The following RAD51B variants were observed in gnomAD, a reference collection of about 807,000 sequenced individuals.
RAD51B encodes DNA repair protein RAD51 homolog 2.
Under a neutral mutation model 42.2 loss-of-function variants are expected in RAD51B, and 38 were observed. That is an observed-to-expected ratio of 0.90 (90% CI 0.70 to 1.18). The LOEUF (loss-of-function observed/expected upper bound fraction) is 1.18. RAD51B is among the 50% of genes most tolerant of loss of function. The probability of loss-of-function intolerance (pLI) is 0.00; values close to 1 mark genes in which losing one functional copy is unlikely to be tolerated. For synonymous variants in RAD51B, 154 were observed against 145.2 expected, an observed-to-expected ratio of 1.06 and a Z score of -0.43; for missense variants, 373 against 400.7, an observed-to-expected ratio of 0.93 and a Z score of 0.59.
At chr14:68,459,667 G>T (rs956699365) in intron 9 of RAD51B, among the ~76,000 whole-genome samples, 8 of 152,350 alleles carry the variant, frequency 5.3e-5, no homozygotes, top group South Asian at 2.1e-4. Flanking sequence ...AAACTAGCAG[G>T]ACAGGAAATT....
intron 3 of RAD51B, among the ~76,000 whole-genome samples, chr14:67,831,352 A>T (rs189124452): frequency 9.9e-5 from 15 of 152,264 alleles, no homozygotes; most frequent in Admixed American, 8.5e-4. Context: ...ATACAGTAAG[A>T]CGATAAGTGT....
chr14:68,122,868 C>T (rs2077677738), intron 7 of RAD51B, among the ~76,000 whole-genome samples: 1 of 152,122 alleles, frequency 6.6e-6, no homozygotes. Flanking sequence ...TGAAGAAGTT[C>T]TGCAGTGGTA....
At chr14:68,405,395 G>A (rs2084240817) in intron 8 of RAD51B, among the ~76,000 whole-genome samples, 1 of 152,142 alleles carries the variant, frequency 6.6e-6, no homozygotes, top group East Asian at 1.9e-4. Context: ...AGTGGGCTAT[G>A]ATCATACTAC....
intron 11 of RAD51B, among the ~76,000 whole-genome samples, chr14:68,668,257 G>A (rs1411827987): frequency 1.3e-5 from 2 of 152,182 alleles, no homozygotes; most frequent in Non-Finnish European, 2.9e-5. Context: ...ATGGTGGGAT[G>A]GCAAATCAGC....
At chr14:68,119,522 T>C (rs1278916068) in intron 7 of RAD51B, among the ~76,000 whole-genome samples, 3 of 131,046 alleles carry the variant, frequency 2.3e-5, no homozygotes, top group South Asian at 4.9e-4. Flanking sequence ...CATGTGTCCA[T>C]GTGGTCTCAT....
At chr14:68,070,544 C>T (rs1367890800) in intron 7 of RAD51B, among the ~76,000 whole-genome samples, 1 of 152,122 alleles carries the variant, frequency 6.6e-6, no homozygotes, top group Non-Finnish European at 1.5e-5. Context: ...AGTCCTTTCC[C>T]CATTGCTTGT....
intron 11 of RAD51B, chr14:68,650,984 G>T: frequency 1.7e-6 from 1 of 581,772 alleles, no homozygotes; most frequent in Non-Finnish European, 3.1e-6. Flanking sequence ...GATACAAATG[G>T]CCACACATAT....
intron 9 of RAD51B, among the ~76,000 whole-genome samples, chr14:68,446,289 A>G (rs1363495329): frequency 6.6e-6 from 1 of 152,236 alleles, no homozygotes. Context: ...TAAATGGTAG[A>G]AAAGAGACTC....
At chr14:68,087,532 G>A (rs1044546311) in intron 7 of RAD51B, among the ~76,000 whole-genome samples, 1 of 151,856 alleles carries the variant, frequency 6.6e-6, no homozygotes, top group African/African-American at 2.4e-5. Flanking sequence ...AATGTTAAAG[G>A]GTTGACAACA....
At chr14:68,359,606 A>G (rs1316933813) in intron 8 of RAD51B, among the ~76,000 whole-genome samples, 1 of 152,184 alleles carries the variant, frequency 6.6e-6, no homozygotes, top group African/African-American at 2.4e-5. Flanking sequence ...CACAGTTCCT[A>G]TGGCCGTTAC....
chr14:68,120,538 A>G (rs1395575955), intron 7 of RAD51B, among the ~76,000 whole-genome samples: 1 of 152,238 alleles, frequency 6.6e-6, no homozygotes. Flanking sequence ...ATTGAATGAA[A>G]AAATGAATGA....
At chr14:68,206,850 C>T (rs1034464937) in intron 7 of RAD51B, among the ~76,000 whole-genome samples, 5 of 147,110 alleles carry the variant, frequency 3.4e-5, no homozygotes, top group East Asian at 2.0e-4. Context: ...TATGCAGTGG[C>T]GCGATCTCGG....
At chr14:68,237,660 T>G (rs2080288264) in intron 7 of RAD51B, among the ~76,000 whole-genome samples, 1 of 152,206 alleles carries the variant, frequency 6.6e-6, no homozygotes. Context: ...TTTCTGCTTT[T>G]TAGCTATTAT....
chr14:68,336,147 G>A (rs764750887), intron 8 of RAD51B, among the ~76,000 whole-genome samples: 1 of 152,186 alleles, frequency 6.6e-6, no homozygotes, highest in Admixed American at 6.5e-5. Flanking sequence ...AATGATGTCT[G>A]ATATATAATG....
In RAD51B at chr14:68,553,324, C is replaced by A. The variant is rs548249953; in HGVS notation, c.1037-41161C>A. 6.6e-5 allele frequency among the ~76,000 whole-genome samples: 10 copies of A among 152,294 alleles called. No individual in the cohort carries two copies. The South Asian group carries it at 2.1e-3, about 32-fold the overall frequency. Reference sequence around the variant, plus strand: ...TCTATAGAAAGAGTAATATGGTAAGCAGTGTAGAAAGAAACCATCCTCTCC... The same window carrying A: ...TCTATAGAAAGAGTAATATGGTAAGAAGTGTAGAAAGAAACCATCCTCTCC... On this transcript the variant is annotated intron_variant, in intron 10 of 10. Coordinates refer to the RAD51B transcript ENST00000487270.
chr14:68,152,166 CGT>C (rs1039264298), intron 7 of RAD51B, among the ~76,000 whole-genome samples: 2 of 152,030 alleles, frequency 1.3e-5, no homozygotes, highest in African/African-American at 4.8e-5. Context: ...TTAATGTTCT[CGT>C]GTTATGTAGC....
At chr14:68,162,797 A>C (rs974168064) in intron 7 of RAD51B, among the ~76,000 whole-genome samples, 13 of 151,966 alleles carry the variant, frequency 8.6e-5, no homozygotes, top group African/African-American at 2.9e-4. Flanking sequence ...AAAACAAAAC[A>C]AAACAAAACA....
intron 11 of RAD51B, among the ~76,000 whole-genome samples, chr14:68,676,528 G>A (rs887861780): frequency 5.3e-5 from 8 of 152,350 alleles, no homozygotes; most frequent in South Asian, 2.1e-4. Context: ...AACTAAAGCC[G>A]GGGAGTTAGG....
At chr14:68,526,928 T>C (rs1886971060) in intron 10 of RAD51B, among the ~76,000 whole-genome samples, 1 of 152,176 alleles carries the variant, frequency 6.6e-6, no homozygotes, top group Non-Finnish European at 1.5e-5. Flanking sequence ...GGCTTCCCCT[T>C]CTGGGTGTGG....
Sources: gnomAD v4.1 joint callset for allele counts (sites outside exome capture counted in the v4.1 genomes callset) on GRCh38, gnomAD v4.1.1 for gene constraint, MANE v1.5 for transcripts, NCBI Gene and HGNC (gene_info 2026-07-23, HGNC 2026-07-21) for gene names.